The following SLC8A2 variants were observed in gnomAD, a reference collection of about 807,000 sequenced individuals.
SLC8A2 encodes the protein solute carrier family 8 member A2.
In SLC8A2, 14 loss-of-function variants were observed where a neutral mutation model predicts 70.2. The observed-to-expected ratio is 0.20, with a 90% CI of 0.13 to 0.31. The LOEUF (loss-of-function observed/expected upper bound fraction) is 0.31. Among genes scored for constraint, SLC8A2 ranks in the 10% least tolerant of loss-of-function variants. The pLI is 1.00. For synonymous variants in SLC8A2, 575 were observed against 594.3 expected, an observed-to-expected ratio of 0.97 and a Z score of 0.47; for missense variants, 779 against 1,320.1, an observed-to-expected ratio of 0.59 and a Z score of 6.35.
intron 2 of SLC8A2, among the ~76,000 whole-genome samples, chr19:47,458,858 A>G (rs1967351531): frequency 8.0e-6 from 1 of 124,850 alleles, no homozygotes; most frequent in Admixed American, 8.4e-5. Context: ...CTTAGTTTCT[A>G]TTTCCCTCTT....
chr19:47,432,724 C>A lies in SLC8A2; in HGVS notation c.2111-279G>T, dbSNP rs920122423. ...AGTCAGCAGTAAAAACAGTTACTTC[C>A]ATAGAATCCCTTGGAGCTAGGGGCA... On this transcript the variant is annotated intron_variant, in intron 8 of 9. Transcript: ENST00000236877. This position sits in a 1 kb window ranked among gnomAD's most constrained non-coding sequence, Gnocchi z 6.2. 1.4e-4 allele frequency among the ~76,000 whole-genome samples: 21 copies of A among 151,712 alleles called. No homozygotes were observed. Among genetic ancestry groups the A allele is most frequent in the African/African-American group, 4.8e-4 (20 of 41,336 alleles).
intron 1 of SLC8A2, among the ~76,000 whole-genome samples, chr19:47,471,340 C>T (rs1967536470): frequency 6.6e-6 from 1 of 151,790 alleles, no homozygotes; most frequent in African/African-American, 2.4e-5. Context: ...CCGAACAGAC[C>T]CCGGCACAGA....
chr19:47,455,216 G>A (rs945838660), intron 3 of SLC8A2, among the ~76,000 whole-genome samples: 1 of 152,068 alleles, frequency 6.6e-6, no homozygotes, highest in Admixed American at 6.6e-5. Context: ...AAGGGATGAG[G>A]GATTGGCTGC....
chr19:47,437,775 T>TC, intron 7 of SLC8A2, 74 bp downstream of exon 7: 1 of 1,575,048 alleles, frequency 6.3e-7, no homozygotes, highest in Non-Finnish European at 8.7e-7. Flanking sequence ...ACCTTGTGGC[T>TC]CCCCGCTTTC....
At chr19:47,452,443 AGAGTGTGTGTGT>A (rs1568444578) in intron 3 of SLC8A2, among the ~76,000 whole-genome samples, 33 of 55,778 alleles carry the variant, frequency 5.9e-4, no homozygotes, top group East Asian at 2.1e-3. Context: ...AGAGAGAGAG[AGAGTGTGTGTGT>A]GTGTGTGTGT....
chr19:47,450,618 A>G (rs955330745), intron 3 of SLC8A2, among the ~76,000 whole-genome samples: 1 of 152,246 alleles, frequency 6.6e-6, no homozygotes, highest in Non-Finnish European at 1.5e-5. Flanking sequence ...GGGGCATAGA[A>G]CCTGGTGAAA....
rs1051083856 is a variant in SLC8A2, at chr19:47,437,780, G to A, written c.2010+69C>T. 27 of 1,589,074 alleles carry A rather than the reference G, an allele frequency of 1.7e-5. No homozygotes were observed. The Admixed American group carries it at 3.2e-4, about 19-fold the overall frequency. ...GATCTTAGGAACCTTGTGGCTCCCC[G>A]CTTTCCGGACCCTCCCCAAGGAAAT... On this transcript the variant is annotated intron_variant, in intron 7 of 9. Coordinates refer to ENST00000236877, the MANE Select transcript of SLC8A2 (RefSeq NM_015063.3).
rs774510892 is a variant in SLC8A2, at chr19:47,430,001, G to A, written c.*88C>T. The A allele has an allele frequency of 2.2e-5, 30 of 1,381,832 alleles. No individual in the cohort carries two copies. The highest frequency in any genetic ancestry group is 2.8e-5 in the Non-Finnish European group (29 of 1,030,330). The allele number at this position is 1,381,832 out of a possible 1,614,324, so 85.6% of individuals were successfully genotyped here. On this transcript the variant is annotated 3_prime_UTR_variant, in exon 10 of 10. Coordinates refer to ENST00000236877, the MANE Select transcript of SLC8A2 (RefSeq NM_015063.3). This position sits in a 1 kb window ranked among gnomAD's most constrained non-coding sequence, Gnocchi z 5.9. The stretch of plus-strand genomic sequence containing the variant: ...GTCCCAGGAGAGGAGGCCGAGTCTG[G>A]GGGGAAAAGGAGACCAGGGTCCAAG...
rs1447889871 is a variant in SLC8A2, at chr19:47,429,679, G to A, written c.*410C>T. The A allele has an allele frequency of 2.1e-5, 2 of 95,222 alleles. No homozygotes were observed. Among genetic ancestry groups the A allele is most frequent in the African/African-American group, 1.1e-4 (2 of 18,364 alleles). 5.9% of individuals were successfully genotyped at this position (95,222 alleles called of 1,614,324 possible). A position where few individuals can be genotyped will look rare whatever the true frequency, so the allele number is the denominator to read the frequency against. Reference sequence around the variant, plus strand: ...GTTCTGAGGCTCTGGGACATGGGGTGAAGTGGGGGGGGGGTCACTAGGGGA... The same window carrying A: ...GTTCTGAGGCTCTGGGACATGGGGTAAAGTGGGGGGGGGGTCACTAGGGGA... On this transcript the variant is annotated 3_prime_UTR_variant, in exon 10 of 10. Coordinates refer to ENST00000236877, the MANE Select transcript of SLC8A2 (RefSeq NM_015063.3).
At chr19:47,449,161 T>C (rs1317218934) in intron 3 of SLC8A2, among the ~76,000 whole-genome samples, 6 of 151,814 alleles carry the variant, frequency 4.0e-5, no homozygotes, top group Non-Finnish European at 7.4e-5. Context: ...GGATGTCAGG[T>C]GGTGATGGTG....
At chr19:47,455,975 C>A (rs756253402) in intron 3 of SLC8A2, among the ~76,000 whole-genome samples, 2 of 152,204 alleles carry the variant, frequency 1.3e-5, no homozygotes, top group African/African-American at 4.8e-5. Context: ...TTATTTTCCT[C>A]CATAGCACTT....
chr19:47,462,970 C>A (rs1417729263), intron 2 of SLC8A2, among the ~76,000 whole-genome samples: 1 of 152,134 alleles, frequency 6.6e-6, no homozygotes, highest in Non-Finnish European at 1.5e-5. Flanking sequence ...TGGCTACCTG[C>A]TCCTCTGCCT....
In SLC8A2 at chr19:47,432,635, G is replaced by A; in HGVS notation, c.2111-190C>T. ...TTCCCAGAATCCCTTGAAGCTAGGAGCTTGATTGGGCCCAGGTGAAAAATA... is the reference window on the plus strand; with the variant it reads ...TTCCCAGAATCCCTTGAAGCTAGGAACTTGATTGGGCCCAGGTGAAAAATA... On this transcript the variant is annotated intron_variant, in intron 8 of 9. Transcript: ENST00000236877. This position sits in a 1 kb window ranked among gnomAD's most constrained non-coding sequence, Gnocchi z 6.2. The A allele has an allele frequency of 1.9e-6, 1 of 515,068 alleles. No homozygotes were observed. Among genetic ancestry groups the A allele is most frequent in the Non-Finnish European group, 3.4e-6 (1 of 297,912 alleles). The allele number at this position is 515,068 out of a possible 1,614,324, so 31.9% of individuals were successfully genotyped here. A position where few individuals can be genotyped will look rare whatever the true frequency, so the allele number is the denominator to read the frequency against.
At position 47,457,295 on chromosome 19, in the gene SLC8A2, C is replaced by T; in HGVS notation, c.975G>A (p.Lys325=). 1.9e-6 allele frequency: 3 copies of T among 1,546,768 alleles called. No homozygotes were observed. Among genetic ancestry groups the T allele is most frequent in the South Asian group, 1.2e-5 (1 of 83,542 alleles). ...GCTGCTCCAGATCCTTGTCCGGGTG[C>T]TTCTGCTTGAGGTCCTTGAGGATCT... is the stretch of plus-strand genomic sequence containing the variant. ...VIQILKDLKQ[K]HPDKDLEQLV... The change falls in exon 3 of 10, where the codon AAG becomes AAA. Residue 325 remains lysine (K), a synonymous_variant. Coordinates refer to ENST00000236877, the MANE Select transcript of SLC8A2 (RefSeq NM_015063.3).
At position 47,441,075 on chromosome 19, in the gene SLC8A2, C is replaced by T. The variant is rs1967093668; in HGVS notation, c.1885+94G>A. The stretch of plus-strand genomic sequence containing the variant: ...TCTCACCTCCAATCTGCCTCAAACC[C>T]AACCTGGAAGAGTAGCTTTGGGGCT... On this transcript the variant is annotated intron_variant, in intron 6 of 9. Coordinates refer to ENST00000236877, the MANE Select transcript of SLC8A2 (RefSeq NM_015063.3). 5 of 1,275,262 alleles carry T rather than the reference C, an allele frequency of 3.9e-6. No homozygotes were observed. The Admixed American group carries it at 7.1e-5, about 18-fold the overall frequency. 79.0% of individuals were successfully genotyped at this position (1,275,262 alleles called of 1,614,324 possible). A position where few individuals can be genotyped will look rare whatever the true frequency, so the allele number is the denominator to read the frequency against.
intron 3 of SLC8A2, among the ~76,000 whole-genome samples, chr19:47,453,898 G>A (rs532557901): frequency 2.1e-4 from 32 of 151,876 alleles, no homozygotes; most frequent in South Asian, 1.0e-3. Context: ...GTGCTCCAGC[G>A]TGAGTGACAG....
rs1456389360 is a variant in SLC8A2 at position 47,468,391 on chromosome 19, G to A, written c.-16-1972C>T. Among the ~76,000 whole-genome samples the A allele has an allele frequency of 1.3e-5, 2 of 152,162 alleles. No homozygotes were observed. The highest frequency in any genetic ancestry group is 1.5e-5 in the Non-Finnish European group (1 of 68,028). ...ATCTCACTGCAGCCTCGACCTCCAG[G>A]GCTCAAGCGACCCTCCCTCCTCAGC... On this transcript the variant is annotated intron_variant, in intron 1 of 9. Coordinates refer to ENST00000236877, the MANE Select transcript of SLC8A2 (RefSeq NM_015063.3). The surrounding 1 kb of genome is among the most constrained non-coding windows in gnomAD (Gnocchi z 5.1).
At chr19:47,437,345 G>A (rs1016759626) in intron 8 of SLC8A2, 117 bp downstream of exon 8, 3 of 748,394 alleles carry the variant, frequency 4.0e-6, no homozygotes, top group South Asian at 3.3e-5. Flanking sequence ...TTCCAGGCAT[G>A]AGCCACCGCG....
rs1205114385 is a variant in SLC8A2 at position 47,458,268 on chromosome 19, TCCC to T, written c.676-677_676-675del. Among the ~76,000 whole-genome samples, 17 of 85,756 alleles carry T rather than the reference TCCC, an allele frequency of 2.0e-4. No individual in the cohort carries two copies. In the South Asian group the frequency reaches 3.5e-3, roughly 17 times the overall value. 56.3% of individuals were successfully genotyped at this position (85,756 alleles called of 152,430 possible). A position where few individuals can be genotyped will look rare whatever the true frequency, so the allele number is the denominator to read the frequency against. The stretch of plus-strand genomic sequence containing the variant: ...CTCTCCCCTCTCCCCCAAGTTCTGT[TCCC>T]CCCATTTCTCTCTCTCCCTCTTCTT... On this transcript the variant is annotated intron_variant, in intron 2 of 9. Coordinates refer to ENST00000236877, the MANE Select transcript of SLC8A2 (RefSeq NM_015063.3).
Sources: gnomAD v4.1 joint callset for allele counts (sites outside exome capture counted in the v4.1 genomes callset) on GRCh38, gnomAD v4.1.1 for gene constraint, Gnocchi (gnomAD v3.1) non-coding constraint, MANE v1.5 for transcripts, NCBI Gene and HGNC (gene_info 2026-07-23, HGNC 2026-07-21) for gene names.